TNPO1: variants seen among roughly 807,000 people sequenced by gnomAD.
TNPO1 encodes the protein transportin 1.
In TNPO1, 8 loss-of-function variants were observed where a neutral mutation model predicts 119.5. The ratio of observed to expected loss-of-function variants is 0.07; its 90% CI spans 0.04 to 0.12. The LOEUF (loss-of-function observed/expected upper bound fraction) is 0.12. Among genes scored for constraint, TNPO1 ranks in the 10% least tolerant of loss-of-function variants. The pLI is 1.00. For missense variants in TNPO1, 576 were observed against 1,089.8 expected, an observed-to-expected ratio of 0.53 and a Z score of 6.64; for synonymous variants, 362 against 363.0, an observed-to-expected ratio of 1.00 and a Z score of 0.03.
chr5:72,873,801 A>T (rs998099342), intron 7 of TNPO1, among the ~76,000 whole-genome samples: 1 of 152,112 alleles, frequency 6.6e-6, no homozygotes, highest in African/African-American at 2.4e-5. Context: ...AAATGAGTCA[A>T]TAATTGACCT....
At chr5:72,879,910 G>T (rs1748102520) in intron 9 of TNPO1, among the ~76,000 whole-genome samples, 1 of 152,176 alleles carries the variant, frequency 6.6e-6, no homozygotes, top group East Asian at 1.9e-4. Flanking sequence ...ATTGTAGGCT[G>T]GGCACAGTGA....
chr5:72,888,691 G>A (rs2112444815), intron 13 of TNPO1, among the ~76,000 whole-genome samples: 1 of 152,266 alleles, frequency 6.6e-6, no homozygotes, highest in African/African-American at 2.4e-5. Flanking sequence ...ACTAGTGATG[G>A]CAGGACTCCT....
intron 2 of TNPO1, among the ~76,000 whole-genome samples, chr5:72,849,827 G>A (rs940812766): frequency 1.3e-5 from 2 of 152,170 alleles, no homozygotes; most frequent in African/African-American, 4.8e-5. Context: ...GATGATAGAA[G>A]TTGATAGTTG....
intron 9 of TNPO1, 96 bp from the exon 10 acceptor site, chr5:72,882,371 A>G: frequency 1.3e-6 from 1 of 792,106 alleles, no homozygotes; most frequent in Non-Finnish European, 2.0e-6. Flanking sequence ...ACCATTGATT[A>G]TCTCATTGGT....
chr5:72,869,136 T>C (rs1353374831), intron 6 of TNPO1, among the ~76,000 whole-genome samples: 2 of 152,196 alleles, frequency 1.3e-5, no homozygotes, highest in African/African-American at 2.4e-5. Flanking sequence ...TTATCTCAAC[T>C]TGAAAAAAAT....
chr5:72,831,628 A>T (rs972621164), intron 1 of TNPO1, among the ~76,000 whole-genome samples: 1 of 152,036 alleles, frequency 6.6e-6, no homozygotes, highest in African/African-American at 2.4e-5. Context: ...TTATCTAAGT[A>T]AAACTTCTGT....
intron 18 of TNPO1, among the ~76,000 whole-genome samples, chr5:72,895,538 G>GGA (rs1195674435): frequency 6.6e-6 from 1 of 151,982 alleles, no homozygotes; most frequent in Non-Finnish European, 1.5e-5. Context: ...TTATAATACA[G>GGA]GAGACAGCTC....
chr5:72,871,307 A>G (rs1482606431), intron 6 of TNPO1, among the ~76,000 whole-genome samples: 1 of 152,172 alleles, frequency 6.6e-6, no homozygotes. Flanking sequence ...AGAAAAACAC[A>G]CTTTAAAGCA....
chr5:72,819,400 G>A (rs906684102), intron 1 of TNPO1, among the ~76,000 whole-genome samples: 39 of 152,224 alleles, frequency 2.6e-4, no homozygotes, highest in African/African-American at 9.2e-4. Context: ...GTTTTCAAAA[G>A]CAAGTTTGAT....
At position 72,913,383 on chromosome 5, in the gene TNPO1, G is replaced by A. The variant is rs901360863; in HGVS notation, c.*4710G>A. ...GTTATTATACATATTAATTTTTAAG[G>A]TATACATTTAAATTACACAATTGTT... On this transcript the variant is annotated 3_prime_UTR_variant, in exon 25 of 25. Transcript: ENST00000337273. 1 of 152,118 alleles carries A rather than the reference G, an allele frequency of 6.6e-6. No individual in the cohort carries two copies. The highest frequency in any genetic ancestry group is 1.5e-5 in the Non-Finnish European group (1 of 67,886). The allele number at this position is 152,118 out of a possible 1,614,324, so 9.4% of individuals were successfully genotyped here. A position where few individuals can be genotyped will look rare whatever the true frequency, so the allele number is the denominator to read the frequency against.
chr5:72,878,147 T>C lies in TNPO1; in HGVS notation c.920+801T>C, dbSNP rs193139698. On this transcript the variant is annotated intron_variant, in intron 9 of 24. Coordinates refer to ENST00000337273, the MANE Select transcript of TNPO1 (RefSeq NM_002270.4). ...AAATGACGATTATATATGTGTACGC[T>C]ATAGAGAGAGAGAGAGAGACTGTTC... Among the ~76,000 whole-genome samples the C allele has an allele frequency of 3.9e-5, 6 of 152,228 alleles. No individual in the cohort carries two copies. In the East Asian group the frequency reaches 9.6e-4, roughly 24 times the overall value.
chr5:72,826,517 CTTTGT>C, intron 1 of TNPO1, among the ~76,000 whole-genome samples: 1 of 152,150 alleles, frequency 6.6e-6, no homozygotes, highest in South Asian at 2.1e-4. Context: ...AGGGCAAGAT[CTTTGT>C]TTTATTTTTT....
intron 1 of TNPO1, among the ~76,000 whole-genome samples, chr5:72,835,521 G>T (rs1181170252): frequency 6.6e-6 from 1 of 152,134 alleles, no homozygotes. Context: ...GGTGGAAGGG[G>T]AGCAGAAAGG....
chr5:72,841,835 A>T (rs763379649), intron 1 of TNPO1, among the ~76,000 whole-genome samples: 1 of 151,854 alleles, frequency 6.6e-6, no homozygotes, highest in Non-Finnish European at 1.5e-5. Flanking sequence ...AGATCATTGG[A>T]TAGCTCTGAT....
intron 6 of TNPO1, 96 bp downstream of exon 6, chr5:72,865,825 T>G (rs564886109): frequency 7.8e-7 from 1 of 1,279,448 alleles, no homozygotes. Context: ...TAGCAAAAGA[T>G]CAAAAGATAT....
intron 22 of TNPO1, among the ~76,000 whole-genome samples, chr5:72,902,381 GTTAGAA>G (rs1749860291): frequency 6.6e-6 from 1 of 152,216 alleles, no homozygotes; most frequent in East Asian, 1.9e-4. Context: ...AAACCTACAA[GTTAGAA>G]TTAGAAAATA....
intron 22 of TNPO1, among the ~76,000 whole-genome samples, chr5:72,902,670 A>T (rs974070043): frequency 5.3e-5 from 8 of 152,202 alleles, no homozygotes; most frequent in African/African-American, 1.9e-4. Context: ...AAAGTAGCAC[A>T]TGTATGATCA....
intron 2 of TNPO1, among the ~76,000 whole-genome samples, chr5:72,848,729 G>A (rs1180659478): frequency 7.5e-5 from 11 of 146,738 alleles, no homozygotes; most frequent in African/African-American, 1.2e-4. Context: ...GGCTCACGCC[G>A]CCAAGGCCAC....
intron 1 of TNPO1, 21 bp downstream of exon 1, chr5:72,816,773 C>G: frequency 2.5e-6 from 4 of 1,581,048 alleles, no homozygotes; most frequent in Non-Finnish European, 2.6e-6. Flanking sequence ...TGAGGGTGCG[C>G]GGCCCCGAAC....
Sources: allele counts gnomAD v4.1 joint callset (sites outside exome capture counted in the v4.1 genomes callset), GRCh38; gene constraint gnomAD v4.1.1; transcripts MANE v1.5; gene names NCBI Gene and HGNC (gene_info 2026-07-23, HGNC 2026-07-21).